The following PCDH15 variants were observed in gnomAD, a reference collection of about 807,000 sequenced individuals.
PCDH15 encodes protocadherin related 15.
PCDH15 carries 129 observed loss-of-function variants against 178.5 expected under a neutral mutation model. That is an observed-to-expected ratio of 0.72 (90% CI 0.63 to 0.84). PCDH15 has a LOEUF of 0.84. Among genes scored for constraint, PCDH15 ranks in the 40% least tolerant of loss-of-function variants. PCDH15 has a pLI of 0.00. For synonymous variants in PCDH15, 800 were observed against 732.0 expected (o/e 1.09, Z -1.50); for missense variants, 2,230 against 2,099.9 (o/e 1.06, Z -1.21).
intron 13 of PCDH15, among the ~76,000 whole-genome samples, chr10:54,159,147 T>C (rs1162370495): frequency 4.0e-5 from 6 of 151,656 alleles, no homozygotes; most frequent in African/African-American, 1.5e-4. Flanking sequence ...TAATTGATAA[T>C]GCATGAATGT....
chr10:54,768,547 A>G (rs1389030687), intron 1 of PCDH15, among the ~76,000 whole-genome samples: 1 of 152,034 alleles, frequency 6.6e-6, no homozygotes, highest in African/African-American at 2.4e-5. Context: ...GCATTATGAA[A>G]TACTTAAGAA....
chr10:54,536,371 C>A (rs1194872425), intron 2 of PCDH15, among the ~76,000 whole-genome samples: 2 of 142,472 alleles, frequency 1.4e-5, no homozygotes, highest in African/African-American at 5.5e-5. Context: ...TTTTAAAAAG[C>A]AATGACTGTC....
chr10:53,918,882 A>G (rs2083761225), intron 25 of PCDH15, among the ~76,000 whole-genome samples: 2 of 152,184 alleles, frequency 1.3e-5, no homozygotes, highest in African/African-American at 4.8e-5. Context: ...TCACTGGGCT[A>G]AAATTAAGAC....
chr10:55,059,623 G>C (rs568139682), intron 2 of PCDH15, among the ~76,000 whole-genome samples: 3 of 152,228 alleles, frequency 2.0e-5, no homozygotes, highest in Admixed American at 2.0e-4. Flanking sequence ...GCTGTGTGAA[G>C]ATCTTAGGAA....
chr10:55,227,891 C>A (rs1841097867), intron 1 of PCDH15, among the ~76,000 whole-genome samples: 1 of 152,010 alleles, frequency 6.6e-6, no homozygotes, highest in Non-Finnish European at 1.5e-5. Flanking sequence ...ACAAAACATA[C>A]ATAATTTTTA....
rs147593773 is a variant in PCDH15, at chr10:55,122,976, GAAATA to G, written c.-80+43595_-80+43599del. Among the ~76,000 whole-genome samples, 103 of 151,992 alleles carry G rather than the reference GAAATA, an allele frequency of 6.8e-4. No individual in the cohort carries two copies. The East Asian group carries it at 0.018, about 26-fold the overall frequency. On this transcript the variant is annotated intron_variant, in intron 2 of 5. Transcript: ENST00000458638. Reference sequence around the variant, plus strand: ...AGAAACTTAAATGTTCATCAAAAGTGAAATAAAATAATTTATTCCATTGAAAATCA... The same window carrying G: ...AGAAACTTAAATGTTCATCAAAAGTGAAATAATTTATTCCATTGAAAATCA...
At chr10:54,423,209 C>T (rs1266871244) in intron 3 of PCDH15, among the ~76,000 whole-genome samples, 3 of 152,110 alleles carry the variant, frequency 2.0e-5, no homozygotes, top group Non-Finnish European at 4.4e-5. Flanking sequence ...AAACCAGATG[C>T]TCCCCCTGCC....
intron 9 of PCDH15, among the ~76,000 whole-genome samples, chr10:54,234,396 G>A (rs1591333479): frequency 1.3e-5 from 2 of 152,146 alleles, no homozygotes; most frequent in East Asian, 3.9e-4. Flanking sequence ...CTATATTAAA[G>A]AAGAATAATC....
At position 53,938,826 on chromosome 10, in the gene PCDH15, A is replaced by G. The variant is rs1482624681; in HGVS notation, c.3362T>C (p.Val1121Ala). The change falls in exon 25 of 38, where the codon GTT becomes GCT. Residue 1121 changes from valine (V) to alanine (A), a missense_variant. Physicochemically the swap from Val to Ala is moderately conservative, Grantham distance 64. Transcript: ENST00000644397. ...GTAGTATAACTTACTTTTTGAAGGA[A>G]CTCGGAGATTGGCAAGGACCACTTC... ...SLEVVLANLR[V>A]PSKSNTAKVY... 1.2e-6 allele frequency: 2 copies of G among 1,613,096 alleles called. No homozygotes were observed. The highest frequency in any genetic ancestry group is 2.7e-5 in the African/African-American group (2 of 74,886).
At chr10:54,226,063 T>G (rs1167374568) in intron 9 of PCDH15, among the ~76,000 whole-genome samples, 1 of 152,186 alleles carries the variant, frequency 6.6e-6, no homozygotes, top group Non-Finnish European at 1.5e-5. Context: ...TGTCAATCAA[T>G]TGGCTGATTG....
At chr10:55,444,557 T>C (rs1204290858) in intron 2 of PCDH15, among the ~76,000 whole-genome samples, 1 of 152,120 alleles carries the variant, frequency 6.6e-6, no homozygotes, top group Non-Finnish European at 1.5e-5. Flanking sequence ...GTTAATTGAT[T>C]ATTAATTCAA....
intron 2 of PCDH15, among the ~76,000 whole-genome samples, chr10:55,034,089 A>T (rs1840678209): frequency 6.6e-6 from 1 of 151,918 alleles, no homozygotes; most frequent in Non-Finnish European, 1.5e-5. Context: ...AAAAAAAAAA[A>T]ATCTTTGTTT....
At chr10:54,777,261 C>A (rs1014681765) in intron 1 of PCDH15, among the ~76,000 whole-genome samples, 2 of 152,178 alleles carry the variant, frequency 1.3e-5, no homozygotes, top group African/African-American at 2.4e-5. Context: ...CCATACCAAT[C>A]ATCGAGCGCT....
chr10:54,640,633 T>G (rs917999347), intron 2 of PCDH15, among the ~76,000 whole-genome samples: 1 of 152,100 alleles, frequency 6.6e-6, no homozygotes, highest in Non-Finnish European at 1.5e-5. Context: ...ACCTTTTCCC[T>G]CCAGATGTTT....
At chr10:54,860,913 C>A (rs759509639) in intron 3 of PCDH15, among the ~76,000 whole-genome samples, 2 of 152,086 alleles carry the variant, frequency 1.3e-5, no homozygotes, top group African/African-American at 2.4e-5. Context: ...TACTATTTTT[C>A]TTACAGAATT....
chr10:55,128,130 C>T (rs1224149184), intron 2 of PCDH15, among the ~76,000 whole-genome samples: 1 of 152,024 alleles, frequency 6.6e-6, no homozygotes, highest in African/African-American at 2.4e-5. Flanking sequence ...CGCTGTCATA[C>T]CTTGCCCTTG....
intron 32 of PCDH15, chr10:53,825,075 ATCTGT>A (rs1388786175): frequency 6.9e-7 from 1 of 1,459,220 alleles, no homozygotes; most frequent in Non-Finnish European, 9.1e-7. Context: ...CAGCATTTTA[ATCTGT>A]TCTATTGTAT....
At chr10:53,958,191 C>T (rs2087826943) in intron 23 of PCDH15, among the ~76,000 whole-genome samples, 3 of 152,150 alleles carry the variant, frequency 2.0e-5, no homozygotes. Context: ...TCTCCATTAC[C>T]TGAAATATTC....
intron 2 of PCDH15, among the ~76,000 whole-genome samples, chr10:54,981,005 T>A (rs998032246): frequency 6.6e-6 from 1 of 152,054 alleles, no homozygotes; most frequent in Non-Finnish European, 1.5e-5. Flanking sequence ...TTTGGGCCAC[T>A]TTGAAATGTG....
Sources: gnomAD v4.1 joint callset for allele counts (sites outside exome capture counted in the v4.1 genomes callset) on GRCh38, gnomAD v4.1.1 for gene constraint, MANE v1.5 for transcripts, NCBI Gene and HGNC (gene_info 2026-07-23, HGNC 2026-07-21) for gene names.